SRSF9: variants seen among roughly 807,000 people sequenced by gnomAD.
SRSF9 encodes serine and arginine rich splicing factor 9.
A neutral mutation model predicts 25.9 loss-of-function variants in SRSF9; 3 were observed. The ratio of observed to expected loss-of-function variants is 0.12; its 90% confidence interval spans 0.05 to 0.30. SRSF9 has a LOEUF of 0.30. SRSF9 is among the 10% of genes least tolerant of loss of function. SRSF9 has a pLI of 1.00. For synonymous variants in SRSF9, 114 were observed against 113.2 expected, an observed-to-expected ratio of 1.01 and a Z score of -0.05; for missense variants, 161 against 303.5, an observed-to-expected ratio of 0.53 and a Z score of 3.49.
intron 3 of SRSF9, 59 bp from the exon 4 acceptor site, chr12:120,462,221 A>T: frequency 6.5e-7 from 1 of 1,530,726 alleles, no homozygotes; most frequent in Non-Finnish European, 8.9e-7. Flanking sequence ...CCAGAAGAAT[A>T]AGCAAACCAA....
Position 120,469,317 on chromosome 12 carries a change from G to C in SRSF9, c.188+105C>G, listed in dbSNP as rs1396570754. The stretch of plus-strand genomic sequence containing the variant: ...GCCGTGAGGGGTCTGCGCGGAGGCG[G>C]GGGGAGGGGAGGCCGGGGGGAGGGG... On this transcript the variant is annotated intron_variant, in intron 1 of 3. Transcript: ENST00000229390. 6 of 725,510 alleles carry C rather than the reference G, an allele frequency of 8.3e-6. No homozygotes were observed. The South Asian group carries it at 1.0e-4, about 12-fold the overall frequency. The allele number at this position is 725,510 out of a possible 1,614,324, so 44.9% of individuals were successfully genotyped here.
At chr12:120,469,351 G>A in intron 1 of SRSF9, 71 bp downstream of exon 1, 5 of 1,220,644 alleles carry the variant, frequency 4.1e-6, no homozygotes, top group Non-Finnish European at 5.6e-6. Context: ...GGAGCCCTGG[G>A]GGAGGGGACA....
chr12:120,465,719 A>G lies in SRSF9; in HGVS notation c.257T>C (p.Phe86Ser). ...DYGQCRLRVE[F>S]PRTYGGRGGW... Reference sequence around the variant, plus strand: ...ACCCCGACCTCCATAAGTCCTGGGGAACTCCACACGAAGCCGACACTGGCC... The same window carrying G: ...ACCCCGACCTCCATAAGTCCTGGGGGACTCCACACGAAGCCGACACTGGCC... Residue 86 changes from phenylalanine to serine, a missense_variant, in exon 2 of 4, where the codon TTC (phenylalanine) becomes TCC (serine). Around this residue, in one of 3 missense-constraint regions of SRSF9, gnomAD observed 99 missense variants for 156.7 expected, o/e 0.63. Coordinates refer to ENST00000229390, the MANE Select transcript of SRSF9 (RefSeq NM_003769.3). The G allele has an allele frequency of 6.2e-7, 1 of 1,606,792 alleles. No homozygotes were observed.
intron 3 of SRSF9, chr12:120,462,420 T>C (rs1683695776): frequency 5.7e-6 from 2 of 348,942 alleles, no homozygotes; most frequent in East Asian, 5.2e-5. Flanking sequence ...ATTTGACATG[T>C]TGATACTCAA....
intron 1 of SRSF9, among the ~76,000 whole-genome samples, chr12:120,466,878 T>C (rs927855407): frequency 7.9e-5 from 12 of 152,184 alleles, no homozygotes; most frequent in Non-Finnish European, 7.4e-5. Flanking sequence ...TGGAGAACTA[T>C]TTTTGTCAAA....
intron 1 of SRSF9, among the ~76,000 whole-genome samples, chr12:120,468,917 G>C (rs1234716090): frequency 1.3e-5 from 2 of 152,088 alleles, no homozygotes; most frequent in South Asian, 2.1e-4. Flanking sequence ...CCTGGCCTGC[G>C]GGGCGGGGCG....
intron 1 of SRSF9, among the ~76,000 whole-genome samples, chr12:120,466,600 G>A (rs921001253): frequency 2.6e-5 from 4 of 152,136 alleles, no homozygotes; most frequent in South Asian, 4.1e-4. Flanking sequence ...GCAGTGGCTG[G>A]AGCATAACTC....
chr12:120,466,253 C>G (rs1421544235), intron 1 of SRSF9, among the ~76,000 whole-genome samples: 1 of 152,150 alleles, frequency 6.6e-6, no homozygotes, highest in African/African-American at 2.4e-5. Context: ...GTGTTGCACG[C>G]CTGTAGTCCC....
chr12:120,468,614 G>A (rs1227535055), intron 1 of SRSF9, among the ~76,000 whole-genome samples: 1 of 152,202 alleles, frequency 6.6e-6, no homozygotes, highest in Admixed American at 6.5e-5. Context: ...GGAAAACAGG[G>A]TGCGGGCTCT....
chr12:120,465,019 A>T (rs1878452607), intron 2 of SRSF9: 1 of 152,132 alleles, frequency 6.6e-6, no homozygotes, highest in Non-Finnish European at 1.5e-5. Context: ...AGGCTCCTCG[A>T]TTTATTTCAT....
intron 1 of SRSF9, among the ~76,000 whole-genome samples, chr12:120,467,198 A>AG (rs5801385): frequency 0.73 from 111,022 of 152,070 alleles, 41,700 homozygotes; most frequent in African/African-American, 0.91. Flanking sequence ...AGGTCAGAAC[A>AG]ACTCTGAATA....
At chr12:120,465,160 T>C (rs1219984121) in intron 2 of SRSF9, 2 of 152,584 alleles carry the variant, frequency 1.3e-5, no homozygotes, top group African/African-American at 4.8e-5. Context: ...ACAGAAATAG[T>C]CTATACTTTC....
chr12:120,466,771 G>C (rs513786), intron 1 of SRSF9, among the ~76,000 whole-genome samples: 3,433 of 152,220 alleles, frequency 0.023, 130 homozygotes, highest in African/African-American at 0.078. Flanking sequence ...CCTGGGCTCA[G>C]GCGATCCTTC....
intron 1 of SRSF9, among the ~76,000 whole-genome samples, chr12:120,468,094 CAAAA>C (rs62860261): frequency 8.7e-5 from 8 of 91,706 alleles, no homozygotes; most frequent in Admixed American, 1.2e-4. Flanking sequence ...AGACCTGTCT[CAAAA>C]AAAAAAAAAA....
intron 2 of SRSF9, 117 bp downstream of exon 2, chr12:120,465,508 TTG>T: frequency 8.7e-7 from 1 of 1,153,612 alleles, no homozygotes; most frequent in Non-Finnish European, 1.2e-6. Context: ...ACACAGGCTA[TTG>T]AAAAGAAAGC....
chr12:120,465,515 G>C, intron 2 of SRSF9, 112 bp downstream of exon 2: 3 of 1,215,622 alleles, frequency 2.5e-6, no homozygotes, highest in Non-Finnish European at 3.3e-6. Flanking sequence ...CTATTGAAAA[G>C]AAAGCCCCCG....
intron 1 of SRSF9, among the ~76,000 whole-genome samples, chr12:120,469,040 G>GGAAGGGC (rs1878563446): frequency 6.6e-6 from 1 of 151,678 alleles, no homozygotes. Flanking sequence ...GAGGCGAGCG[G>GGAAGGGC]GAAGGGCGAA....
chr12:120,465,265 TG>T (rs1565917074), intron 2 of SRSF9: 1 of 166,476 alleles, frequency 6.0e-6, no homozygotes, highest in Admixed American at 6.4e-5. Context: ...GATCCAAGGC[TG>T]GGTAAGTTGT....
chr12:120,469,441 C>G lies in SRSF9; in HGVS notation c.169G>C (p.Val57Leu). Residue 57 changes from valine to leucine, a missense_variant, in exon 1 of 4, where the codon GTG (valine) becomes CTG (leucine). Around this residue, in one of 3 missense-constraint regions of SRSF9, gnomAD observed 99 missense variants for 156.7 expected, o/e 0.63. Transcript: ENST00000229390. ...CCTCACCGGGGGTCCTCGAAGCGCACGAAGGCGAAGGGCACGAGGCCGTGC... is the reference window on the plus strand; with the variant it reads ...CCTCACCGGGGGTCCTCGAAGCGCAGGAAGGCGAAGGGCACGAGGCCGTGC... ...NRHGLVPFAFVRFEDPRDAED... is the reference protein window; with the variant it reads ...NRHGLVPFAFLRFEDPRDAED... 1.3e-6 allele frequency: 2 copies of G among 1,584,786 alleles called. No individual in the cohort carries two copies. The highest frequency in any genetic ancestry group is 1.7e-6 in the Non-Finnish European group (2 of 1,166,778).
Sources: allele counts gnomAD v4.1 joint callset (sites outside exome capture counted in the v4.1 genomes callset), GRCh38; gene constraint gnomAD v4.1.1; regional missense constraint gnomAD v4.1.1; transcripts MANE v1.5; gene names NCBI Gene and HGNC (gene_info 2026-07-23, HGNC 2026-07-21).